The following SLA variants were observed in gnomAD, a reference collection of about 807,000 sequenced individuals.
SLA encodes the protein src-like-adapter.
Under a neutral mutation model 30.3 loss-of-function variants are expected in SLA, and 16 were observed. The ratio of observed to expected loss-of-function variants is 0.53; its 90% confidence interval spans 0.36 to 0.80. The LOEUF (loss-of-function observed/expected upper bound fraction) is 0.80. Among genes scored for constraint, SLA ranks in the 30% least tolerant of loss-of-function variants. The pLI, the probability that SLA is intolerant of heterozygous loss-of-function variation, is 0.01. For synonymous variants in SLA, 143 were observed against 137.8 expected, an observed-to-expected ratio of 1.04 and a Z score of -0.26; for missense variants, 310 against 345.2, an observed-to-expected ratio of 0.90 and a Z score of 0.81.
chr8:133,065,991 AG>A (rs924263329), intron 2 of SLA, among the ~76,000 whole-genome samples: 6 of 152,080 alleles, frequency 3.9e-5, no homozygotes, highest in African/African-American at 1.4e-4. Flanking sequence ...GAGCGAGGCC[AG>A]TTGAGGCATG....
At chr8:133,069,251 T>C (rs1220956751) in intron 2 of SLA, among the ~76,000 whole-genome samples, 1 of 152,240 alleles carries the variant, frequency 6.6e-6, no homozygotes, top group Non-Finnish European at 1.5e-5. Flanking sequence ...TACTTTTCCT[T>C]TTTATTCGTA....
At chr8:133,097,773 T>TAC (rs1252584601) in intron 1 of SLA, among the ~76,000 whole-genome samples, 1 of 152,224 alleles carries the variant, frequency 6.6e-6, no homozygotes, top group African/African-American at 2.4e-5. Flanking sequence ...TGTATATATA[T>TAC]ACACACATGC....
rs1587972683 is a variant in SLA at position 133,067,919 on chromosome 8, G to GGA, written c.-41+6933_-41+6934insTC. Among the ~76,000 whole-genome samples, 19 of 85,894 alleles carry GGA rather than the reference G, an allele frequency of 2.2e-4. 1 individual carries two copies. The highest frequency in any genetic ancestry group is 4.2e-4 in the Non-Finnish European group (14 of 33,314). 56.3% of individuals were successfully genotyped at this position (85,894 alleles called of 152,430 possible). On this transcript the variant is annotated intron_variant, in intron 2 of 8. Transcript: ENST00000338087. ...GGAAGGAAGGAAGGAAGGAAGGAAA[G>GGA]AGAGAGAGAGAGAAAGAAAGAAAGA...
At chr8:133,048,139 G>T (rs1186526789) in intron 5 of SLA, among the ~76,000 whole-genome samples, 1 of 152,180 alleles carries the variant, frequency 6.6e-6, no homozygotes, top group Non-Finnish European at 1.5e-5. Context: ...GTCAGCAGTT[G>T]ATAGAGTTAA....
At chr8:133,061,169 C>G (rs962463299) in intron 2 of SLA, among the ~76,000 whole-genome samples, 1 of 152,140 alleles carries the variant, frequency 6.6e-6, no homozygotes, top group Non-Finnish European at 1.5e-5. Context: ...CATGCCACAC[C>G]CAGCTAATTT....
chr8:133,066,125 C>T (rs1005471225), intron 2 of SLA, among the ~76,000 whole-genome samples: 1 of 152,022 alleles, frequency 6.6e-6, no homozygotes, highest in African/African-American at 2.4e-5. Flanking sequence ...AGATCGAGAC[C>T]ATCCTGGCTG....
intron 3 of SLA, 141 bp from the exon 4 acceptor site, chr8:133,051,056 G>A (rs1737908170): frequency 1.6e-6 from 1 of 621,348 alleles, no homozygotes; most frequent in Admixed American, 2.7e-5. Context: ...CCAATTTACA[G>A]CAAGGTCCTC....
At chr8:133,043,908 T>A (rs1838796209) in intron 7 of SLA, among the ~76,000 whole-genome samples, 1 of 152,164 alleles carries the variant, frequency 6.6e-6, no homozygotes, top group Non-Finnish European at 1.5e-5. Flanking sequence ...CCCTCCAATA[T>A]GCAGAGGAAG....
chr8:133,067,978 C>T (rs976493941), intron 2 of SLA, among the ~76,000 whole-genome samples: 27 of 151,946 alleles, frequency 1.8e-4, no homozygotes, highest in Admixed American at 6.5e-4. Context: ...GAAGGATTCC[C>T]TAGAAGCTCA....
intron 3 of SLA, among the ~76,000 whole-genome samples, chr8:133,058,709 T>G (rs1841905371): frequency 1.3e-5 from 2 of 152,252 alleles, no homozygotes; most frequent in African/African-American, 4.8e-5. Flanking sequence ...TCAGCCACCC[T>G]GCACGTTGCA....
chr8:133,097,826 T>C (rs761594579), intron 1 of SLA, among the ~76,000 whole-genome samples: 14 of 152,168 alleles, frequency 9.2e-5, no homozygotes, highest in Non-Finnish European at 2.1e-4. Context: ...TGCGTGTGTA[T>C]GTAGAGAGAG....
At chr8:133,082,197 A>T (rs570237170) in intron 1 of SLA, among the ~76,000 whole-genome samples, 2 of 152,332 alleles carry the variant, frequency 1.3e-5, no homozygotes, top group Non-Finnish European at 1.5e-5. Flanking sequence ...AGGGTGTCTC[A>T]TAACACCAAC....
chr8:133,102,094 T>A (rs139467818), intron 1 of SLA, among the ~76,000 whole-genome samples: 2 of 152,222 alleles, frequency 1.3e-5, no homozygotes, highest in Admixed American at 1.3e-4. Flanking sequence ...ATGTTCGTTC[T>A]TTTCCCTTAA....
chr8:133,070,002 A>C (rs1279473673), intron 2 of SLA, among the ~76,000 whole-genome samples: 2 of 50,478 alleles, frequency 4.0e-5, no homozygotes, highest in African/African-American at 1.1e-4. Flanking sequence ...CTCCAGCTCC[A>C]AAAAAAAAAA....
chr8:133,044,964 C>T lies in SLA; in HGVS notation c.484+20G>A, dbSNP rs1839030717. The T allele has an allele frequency of 6.2e-7, 1 of 1,613,610 alleles. No homozygotes were observed. The highest frequency in any genetic ancestry group is 1.3e-5 in the African/African-American group (1 of 75,052). On this transcript the variant is annotated intron_variant, in intron 7 of 8. Coordinates refer to ENST00000338087, the MANE Select transcript of SLA (RefSeq NM_001045556.3). ...GAGGGGTCCCACCATCACAATCACT[C>T]CATATTGTATGTCTCTTACCAGAAT...
chr8:133,095,224 C>T lies in SLA; in HGVS notation c.-319+7329G>A. The stretch of plus-strand genomic sequence containing the variant: ...CCAGACCAAGGTGAGCACTTAAGTG[C>T]AAGTTGGGAAGGGACATTCTCTGGT... On this transcript the variant is annotated intron_variant, in intron 1 of 8. Transcript: ENST00000338087. The T allele has an allele frequency of 1.2e-6, 2 of 1,614,148 alleles. No homozygotes were observed. The highest frequency in any genetic ancestry group is 1.7e-6 in the Non-Finnish European group (2 of 1,180,018).
chr8:133,053,052 A>G (rs1840715279), intron 3 of SLA, among the ~76,000 whole-genome samples: 1 of 152,148 alleles, frequency 6.6e-6, no homozygotes, highest in Non-Finnish European at 1.5e-5. Flanking sequence ...CCAACTTGCC[A>G]GGCACCCTGG....
intron 1 of SLA, among the ~76,000 whole-genome samples, chr8:133,098,819 A>G (rs970566018): frequency 1.3e-5 from 2 of 152,072 alleles, no homozygotes; most frequent in African/African-American, 4.8e-5. Flanking sequence ...GCCCAGGCTC[A>G]TGTTTTCTGA....
intron 2 of SLA, among the ~76,000 whole-genome samples, chr8:133,072,757 G>A (rs1181669168): frequency 6.6e-6 from 1 of 152,156 alleles, no homozygotes; most frequent in African/African-American, 2.4e-5. Context: ...TTTAGAATGG[G>A]GAAGTTTTCT....
Sources: gnomAD v4.1 joint callset for allele counts (sites outside exome capture counted in the v4.1 genomes callset) on GRCh38, gnomAD v4.1.1 for gene constraint, MANE v1.5 for transcripts, NCBI Gene and HGNC (gene_info 2026-07-23, HGNC 2026-07-21) for gene names.